MOK: variants seen among roughly 807,000 people sequenced by gnomAD.
MOK encodes MAPK/MAK/MRK overlapping kinase.
A neutral mutation model predicts 54.2 loss-of-function variants in MOK; 59 were observed. The observed-to-expected ratio is 1.09, with a 90% CI of 0.88 to 1.35. The LOEUF is 1.35. Among genes scored for constraint, MOK ranks in the 40% most tolerant of loss-of-function variants. The pLI, the probability that MOK is intolerant of heterozygous loss-of-function variation, is 0.00. For synonymous variants in MOK, 210 were observed against 202.7 expected (o/e 1.04, Z -0.31); for missense variants, 517 against 526.2 (o/e 0.98, Z 0.17).
intron 7 of MOK, among the ~76,000 whole-genome samples, chr14:102,239,128 T>C (rs1279329294): frequency 2.0e-5 from 3 of 152,116 alleles, no homozygotes; most frequent in Non-Finnish European, 4.4e-5. Flanking sequence ...CTGGCTTCAT[T>C]TCCCAAATCA....
At chr14:102,257,121 G>A (rs750238427) in intron 4 of MOK, among the ~76,000 whole-genome samples, 25 of 150,734 alleles carry the variant, frequency 1.7e-4, no homozygotes, top group Non-Finnish European at 3.4e-4. Flanking sequence ...AGGCCTGAAC[G>A]TCCAAATGAC....
At chr14:102,281,613 T>C (rs1451885325) in intron 2 of MOK, among the ~76,000 whole-genome samples, 2 of 152,128 alleles carry the variant, frequency 1.3e-5, no homozygotes, top group African/African-American at 4.8e-5. Context: ...TTTGTGTTTT[T>C]TTTTTAATTT....
rs147907274 is a variant in MOK, at chr14:102,250,823, G to A, written c.579C>T (p.Tyr193=). ...TGGCCTGGTGCTACCTGGCGATCTC[G>A]TAGAACACACAGCCGGCGCTCCACA... ...MDLWSAGCVF[Y]EIASLQPLFP... is the part of the protein sequence containing the mutation. Residue 193 remains tyrosine, a synonymous_variant, in exon 7 of 12, where the codon TAC becomes TAT. Coordinates refer to ENST00000361847, the MANE Select transcript of MOK (RefSeq NM_014226.3). 50 of 1,613,602 alleles carry A rather than the reference G, an allele frequency of 3.1e-5. No homozygotes were observed. Among genetic ancestry groups the A allele is most frequent in the Middle Eastern group, 1.7e-4 (1 of 6,056 alleles).
downstream of MOK, among the ~76,000 whole-genome samples, chr14:102,219,821 G>C (rs146249603): frequency 4.5e-3 from 682 of 152,350 alleles, 1 homozygote; most frequent in Non-Finnish European, 7.5e-3. Context: ...CCCCAGTTCC[G>C]TTATGCCAGT....
chr14:102,276,668 G>A (rs1190574789), intron 2 of MOK, among the ~76,000 whole-genome samples: 1 of 151,754 alleles, frequency 6.6e-6, no homozygotes, highest in Admixed American at 6.6e-5. Context: ...GTGCATGCCT[G>A]TAATCCCAGC....
At chr14:102,284,806 G>A (rs1437730843) in intron 1 of MOK, among the ~76,000 whole-genome samples, 3 of 152,150 alleles carry the variant, frequency 2.0e-5, no homozygotes, top group Admixed American at 6.5e-5. Flanking sequence ...GGCCAGGCGC[G>A]GTGGCTCACG....
At chr14:102,293,562 GTGGTGCATGCC>G (rs1053212215) in intron 1 of MOK, among the ~76,000 whole-genome samples, 34 of 151,824 alleles carry the variant, frequency 2.2e-4, no homozygotes, top group African/African-American at 5.8e-4. Flanking sequence ...GCCAGGTGTG[GTGGTGCATGCC>G]TGTAATCCCA....
At chr14:102,288,300 T>C (rs979736291) in intron 1 of MOK, among the ~76,000 whole-genome samples, 13 of 152,206 alleles carry the variant, frequency 8.5e-5, no homozygotes, top group East Asian at 5.8e-4. Context: ...CATCAGGAGA[T>C]GAACGGATAA....
intron 1 of MOK, among the ~76,000 whole-genome samples, chr14:102,292,386 T>C (rs911035458): frequency 1.3e-5 from 2 of 151,760 alleles, no homozygotes; most frequent in East Asian, 3.9e-4. Flanking sequence ...GGCAGGAGAA[T>C]GGCGTGAACC....
chr14:102,244,791 C>CG (rs1372785108), intron 7 of MOK, among the ~76,000 whole-genome samples: 1 of 152,162 alleles, frequency 6.6e-6, no homozygotes, highest in Middle Eastern at 3.2e-3. Context: ...GGTCCAATAA[C>CG]GGACTGGCCT....
At chr14:102,283,420 C>T (rs1030616369) in intron 2 of MOK, 58 bp downstream of exon 2, 1 of 1,089,150 alleles carries the variant, frequency 9.2e-7, no homozygotes, top group Non-Finnish European at 1.4e-6. Flanking sequence ...TATTAAGTTG[C>T]CGTTATTGAC....
intron 2 of MOK, among the ~76,000 whole-genome samples, chr14:102,269,187 GA>G (rs1450166092): frequency 6.6e-6 from 1 of 151,284 alleles, no homozygotes; most frequent in Non-Finnish European, 1.5e-5. Flanking sequence ...TCAAATAAGA[GA>G]ATTTTTTTTT....
intron 7 of MOK, 45 bp downstream of exon 7, chr14:102,250,767 A>G (rs745817196): frequency 6.3e-7 from 1 of 1,586,204 alleles, no homozygotes; most frequent in South Asian, 1.1e-5. Flanking sequence ...TGGCTGCTGC[A>G]CCGCTCCGCC....
intron 8 of MOK, chr14:102,233,230 G>A (rs1233406985): frequency 6.3e-6 from 1 of 159,664 alleles, no homozygotes; most frequent in Admixed American, 6.0e-5. Context: ...TCAGCCCACA[G>A]GCCCTCCCTG....
chr14:102,252,588 T>G (rs2066620546), intron 4 of MOK, among the ~76,000 whole-genome samples: 1 of 152,210 alleles, frequency 6.6e-6, no homozygotes, highest in Non-Finnish European at 1.5e-5. Flanking sequence ...AACTATGTAT[T>G]AGTAGCACCA....
chr14:102,299,471 T>C (rs1426962702), intron 1 of MOK, among the ~76,000 whole-genome samples: 1 of 151,318 alleles, frequency 6.6e-6, no homozygotes, highest in Non-Finnish European at 1.5e-5. Context: ...GCCAAGATCA[T>C]ACCACTGCAC....
chr14:102,281,011 A>G (rs1268695841), intron 2 of MOK, among the ~76,000 whole-genome samples: 1 of 152,158 alleles, frequency 6.6e-6, no homozygotes, highest in Non-Finnish European at 1.5e-5. Flanking sequence ...CAATATGGCG[A>G]GACCCTGTCT....
intron 1 of MOK, among the ~76,000 whole-genome samples, chr14:102,284,629 G>A (rs1347204593): frequency 2.6e-5 from 4 of 152,256 alleles, no homozygotes; most frequent in South Asian, 2.1e-4. Context: ...GGCAGAGAAC[G>A]GTCTGTGAGC....
chr14:102,217,672 G>A, the MOK span, among the ~76,000 whole-genome samples: 1 of 152,228 alleles, frequency 6.6e-6, no homozygotes, highest in African/African-American at 2.4e-5. Flanking sequence ...ACTGGCTTCG[G>A]GTGCCGTGAA....
Sources: allele counts gnomAD v4.1 joint callset (sites outside exome capture counted in the v4.1 genomes callset), GRCh38; gene constraint gnomAD v4.1.1; transcripts MANE v1.5; gene names NCBI Gene and HGNC (gene_info 2026-07-23, HGNC 2026-07-21).